Variants in TBC1D14 observed in about 807,000 individuals in gnomAD.
TBC1D14 encodes the protein TBC1 domain family, member 14.
TBC1D14 carries 26 observed loss-of-function variants against 79.0 expected under a neutral mutation model. The ratio of observed to expected loss-of-function variants is 0.33; its 90% CI spans 0.24 to 0.46. The LOEUF (loss-of-function observed/expected upper bound fraction) is 0.46. TBC1D14 is among the 20% of genes least tolerant of loss of function. TBC1D14 has a pLI of 1.00. For missense variants in TBC1D14, 769 were observed against 887.6 expected, an observed-to-expected ratio of 0.87 and a Z score of 1.70; for synonymous variants, 394 against 349.9, an observed-to-expected ratio of 1.13 and a Z score of -1.40.
At chr4:6,929,302 G>A (rs1017740889) in intron 2 of TBC1D14, among the ~76,000 whole-genome samples, 1 of 152,204 alleles carries the variant, frequency 6.6e-6, no homozygotes, top group Non-Finnish European at 1.5e-5. Flanking sequence ...TTCTAATCAA[G>A]GTGTTGGGCT....
chr4:6,925,129 C>T (rs1724185979), intron 2 of TBC1D14, among the ~76,000 whole-genome samples: 1 of 152,132 alleles, frequency 6.6e-6, no homozygotes, highest in Non-Finnish European at 1.5e-5. Context: ...CCCGTCTCTA[C>T]TAAAAATACA....
intron 2 of TBC1D14, among the ~76,000 whole-genome samples, chr4:6,962,457 C>T (rs1715314934): frequency 6.6e-6 from 1 of 152,170 alleles, no homozygotes; most frequent in Non-Finnish European, 1.5e-5. Flanking sequence ...TGCTCTGTGT[C>T]TGCACAGCAG....
chr4:7,028,721 G>A (rs933034254), intron 13 of TBC1D14, among the ~76,000 whole-genome samples: 6 of 151,276 alleles, frequency 4.0e-5, no homozygotes, highest in Non-Finnish European at 7.4e-5. Flanking sequence ...CACCACACCT[G>A]GTCCAGGCAT....
upstream of TBC1D14, chr4:6,909,566 C>T (rs928565337): frequency 2.0e-5 from 3 of 151,834 alleles, no homozygotes; most frequent in African/African-American, 7.3e-5. Context: ...CCGCTCAAGG[C>T]AGCTCCTCGC....
chr4:7,024,896 C>T, intron 12 of TBC1D14, 108 bp from the exon 13 acceptor site: 1 of 1,490,734 alleles, frequency 6.7e-7, no homozygotes, highest in Non-Finnish European at 9.1e-7. Flanking sequence ...CAGCTGTTGC[C>T]TGAAAGTGAC....
At chr4:6,960,829 A>T (rs1282416043) in intron 2 of TBC1D14, among the ~76,000 whole-genome samples, 2 of 152,136 alleles carry the variant, frequency 1.3e-5, no homozygotes, top group African/African-American at 4.8e-5. Context: ...TTCCAGCCTA[A>T]TCGGGTGCAC....
intron 12 of TBC1D14, among the ~76,000 whole-genome samples, chr4:7,020,039 G>T (rs887808580): frequency 1.3e-5 from 2 of 148,728 alleles, no homozygotes; most frequent in African/African-American, 5.0e-5. Context: ...AGGTCGGAGA[G>T]GACTCTGGGA....
At chr4:7,010,503 G>A in intron 10 of TBC1D14, 150 bp from the exon 11 acceptor site, 1 of 884,592 alleles carries the variant, frequency 1.1e-6, no homozygotes, top group Admixed American at 3.3e-5. Context: ...TCTGAGTGAG[G>A]GCAGTTCAGC....
At chr4:6,913,433 G>A (rs775880566) in intron 1 of TBC1D14, among the ~76,000 whole-genome samples, 2 of 152,228 alleles carry the variant, frequency 1.3e-5, no homozygotes, top group African/African-American at 4.8e-5. Flanking sequence ...CTGAGAGGAA[G>A]GGGGATAAAG....
chr4:6,998,126 T>C (rs151079671), intron 5 of TBC1D14, among the ~76,000 whole-genome samples: 74 of 152,250 alleles, frequency 4.9e-4, no homozygotes, highest in African/African-American at 1.6e-3. Flanking sequence ...ATCCCAGCAC[T>C]TTGAGAAGCC....
chr4:6,957,683 G>A (rs1218842818), intron 2 of TBC1D14, among the ~76,000 whole-genome samples: 1 of 152,202 alleles, frequency 6.6e-6, no homozygotes, highest in Non-Finnish European at 1.5e-5. Flanking sequence ...AGGCCAAGGC[G>A]GGAGCATGGC....
At chr4:6,987,291 C>T (rs1330007604) in intron 3 of TBC1D14, 5 of 1,355,414 alleles carry the variant, frequency 3.7e-6, no homozygotes, top group Non-Finnish European at 3.8e-6. Flanking sequence ...GGAGGCCGGC[C>T]CTCCGCTCGC....
At position 6,996,553 on chromosome 4, in the gene TBC1D14, G is replaced by A. The variant is rs574159584; in HGVS notation, c.1045+146G>A. 5.9e-5 allele frequency: 38 copies of A among 639,394 alleles called. No homozygotes were observed. In the East Asian group the frequency reaches 8.8e-4, roughly 15 times the overall value. The allele number at this position is 639,394 out of a possible 1,614,324, so 39.6% of individuals were successfully genotyped here. A position where few individuals can be genotyped will look rare whatever the true frequency, so the allele number is the denominator to read the frequency against. On this transcript the variant is annotated intron_variant, in intron 5 of 13. Coordinates refer to ENST00000409757, the MANE Select transcript of TBC1D14 (RefSeq NM_020773.3). ...CTTCCAGTAAAAAAAAAAAAAAGAT[G>A]CATGCGGAAAGCCCCCACAAGCGAA...
At chr4:6,943,714 C>G (rs1272421088) in intron 2 of TBC1D14, among the ~76,000 whole-genome samples, 3 of 152,204 alleles carry the variant, frequency 2.0e-5, no homozygotes, top group Non-Finnish European at 4.4e-5. Flanking sequence ...CACACTAGCC[C>G]ACTCCCCGCC....
rs140427960 is a variant in TBC1D14, at chr4:6,923,927, C to G, written c.538C>G (p.Leu180Val). The part of the protein sequence containing the change: ...LSVSNEDILD[L>V]VVTSSSSAIV... ...CGTCAGCAATGAGGACATCTTGGAC[C>G]TTGTGGTCACGAGCAGCTCCAGTGC... The change falls in exon 2 of 14, where the codon CTT (leucine) becomes GTT (valine). Residue 180 changes from leucine (L) to valine (V), a missense_variant. Leu to Val is a conservative substitution (Grantham distance 32). Around this residue, in one of 2 missense-constraint regions of TBC1D14, gnomAD observed 402 missense variants for 393.2 expected, o/e 1.02. Coordinates refer to ENST00000409757, the MANE Select transcript of TBC1D14 (RefSeq NM_020773.3). The G allele has an allele frequency of 4.4e-3, 7,143 of 1,614,128 alleles. 13 individuals are homozygous for G. The highest frequency in any genetic ancestry group is 5.5e-3 in the Non-Finnish European group (6,440 of 1,180,022).
Position 7,030,612 on chromosome 4 carries a change from A to C in TBC1D14, c.*220A>C, listed in dbSNP as rs1349091646. The C allele has an allele frequency of 4.2e-6, 2 of 471,202 alleles. No individual in the cohort carries two copies. Among genetic ancestry groups the C allele is most frequent in the South Asian group, 4.6e-5 (2 of 43,078 alleles). The allele number at this position is 471,202 out of a possible 1,614,324, so 29.2% of individuals were successfully genotyped here. A position where few individuals can be genotyped will look rare whatever the true frequency, so the allele number is the denominator to read the frequency against. On this transcript the variant is annotated 3_prime_UTR_variant, in exon 14 of 14. Transcript: ENST00000409757. The stretch of plus-strand genomic sequence containing the variant: ...TCAGTGGAAGGATGAGCTGCTGCGG[A>C]CCACAGCCAGCCACTGCATCTGCTG...
At chr4:6,971,795 C>A (rs897365624) in intron 3 of TBC1D14, among the ~76,000 whole-genome samples, 2 of 152,178 alleles carry the variant, frequency 1.3e-5, no homozygotes, top group Non-Finnish European at 2.9e-5. Flanking sequence ...AGCTACAGGT[C>A]ATTCTAATGC....
chr4:6,987,289 G>A, intron 3 of TBC1D14: 1 of 1,352,562 alleles, frequency 7.4e-7, no homozygotes, highest in Non-Finnish European at 9.6e-7. Context: ...AGGGAGGCCG[G>A]CCCTCCGCTC....
intron 2 of TBC1D14, among the ~76,000 whole-genome samples, chr4:6,958,801 G>A (rs1427357791): frequency 1.3e-5 from 2 of 151,904 alleles, no homozygotes; most frequent in South Asian, 2.1e-4. Context: ...TCTCACCCTC[G>A]AAAGCCGGAC....
Sources: allele counts gnomAD v4.1 joint callset (sites outside exome capture counted in the v4.1 genomes callset), GRCh38; gene constraint gnomAD v4.1.1; regional missense constraint gnomAD v4.1.1; transcripts MANE v1.5; gene names NCBI Gene and HGNC (gene_info 2026-07-23, HGNC 2026-07-21).